MMP16: variants seen among roughly 807,000 people sequenced by gnomAD.
MMP16 encodes the protein matrix metalloproteinase-16.
Under a neutral mutation model 67.8 loss-of-function variants are expected in MMP16, and 12 were observed. The observed-to-expected ratio is 0.18, with a 90% CI of 0.11 to 0.29. The LOEUF (loss-of-function observed/expected upper bound fraction) is 0.29, where lower values mean the gene tolerates loss of function less well. Ranked by LOEUF, MMP16 falls within the 10% of genes least tolerant of loss-of-function variation. The probability of loss-of-function intolerance (pLI) is 1.00; values close to 1 mark genes in which losing one functional copy is unlikely to be tolerated. For missense variants in MMP16, 475 were observed against 765.7 expected, an observed-to-expected ratio of 0.62 and a Z score of 4.48; for synonymous variants, 249 against 255.9, an observed-to-expected ratio of 0.97 and a Z score of 0.26.
chr8:88,116,402 T>C, intron 6 of MMP16, 105 bp downstream of exon 6: 1 of 973,912 alleles, frequency 1.0e-6, no homozygotes, highest in Non-Finnish European at 1.5e-6. Flanking sequence ...TTTCTAACTG[T>C]GAGAGGGCTG....
chr8:88,270,153 T>C (rs188060263), intron 1 of MMP16, among the ~76,000 whole-genome samples: 134 of 152,318 alleles, frequency 8.8e-4, no homozygotes, highest in African/African-American at 3.1e-3. Context: ...TGGTGACTCA[T>C]AGAGGATCTC....
At chr8:88,122,538 A>G (rs951830441) in intron 4 of MMP16, among the ~76,000 whole-genome samples, 10 of 151,994 alleles carry the variant, frequency 6.6e-5, no homozygotes, top group African/African-American at 2.2e-4. Context: ...TTTTAAATAT[A>G]TAAATACTTA....
At chr8:88,202,292 T>C (rs1178800880) in intron 1 of MMP16, among the ~76,000 whole-genome samples, 3 of 152,190 alleles carry the variant, frequency 2.0e-5, no homozygotes, top group South Asian at 2.1e-4. Context: ...TGAGTTATAC[T>C]AAAAGTTGTG....
chr8:88,257,644 A>G lies in MMP16; in HGVS notation c.133-60338T>C, dbSNP rs183194338. Among the ~76,000 whole-genome samples, 362 of 152,362 alleles carry G rather than the reference A, an allele frequency of 2.4e-3. 2 individuals are homozygous for G. In the Middle Eastern group the frequency reaches 0.027, roughly 11 times the overall value. ...TTATTGCCATGAATTCTGGTAGAAT[A>G]AAAGCTCCTTTTGTTCACCAATGCA... On this transcript the variant is annotated intron_variant, in intron 1 of 9. Transcript: ENST00000286614.
At position 88,198,554 on chromosome 8, in the gene MMP16, T is replaced by C. The variant is rs557642602; in HGVS notation, c.133-1248A>G. On this transcript the variant is annotated intron_variant, in intron 1 of 9. Transcript: ENST00000286614. ...AGGAGACATATTTTCCCAGTGAAAATAACCAGCAAATATAGAAGTTAAATT... is the reference window on the plus strand; with the variant it reads ...AGGAGACATATTTTCCCAGTGAAAACAACCAGCAAATATAGAAGTTAAATT... 2.6e-4 allele frequency among the ~76,000 whole-genome samples: 39 copies of C among 152,126 alleles called. 1 individual carries two copies. The highest frequency in any genetic ancestry group is 8.9e-4 in the African/African-American group (37 of 41,508).
At chr8:88,151,402 G>T (rs1808404273) in intron 4 of MMP16, among the ~76,000 whole-genome samples, 1 of 150,542 alleles carries the variant, frequency 6.6e-6, no homozygotes, top group African/African-American at 2.4e-5. Flanking sequence ...CAAATCAACA[G>T]AATATACATT....
intron 6 of MMP16, among the ~76,000 whole-genome samples, chr8:88,106,639 C>A (rs1809246289): frequency 6.6e-6 from 1 of 151,080 alleles, no homozygotes; most frequent in Non-Finnish European, 1.5e-5. Flanking sequence ...ATACTATTAA[C>A]CTTTGACTTT....
At chr8:88,195,685 T>C (rs982331263) in intron 2 of MMP16, among the ~76,000 whole-genome samples, 4 of 152,168 alleles carry the variant, frequency 2.6e-5, no homozygotes, top group Admixed American at 1.3e-4. Context: ...GGGCAGCAGG[T>C]CCAAAATATC....
chr8:88,068,296 T>C (rs1808489540), intron 7 of MMP16, among the ~76,000 whole-genome samples: 1 of 152,180 alleles, frequency 6.6e-6, no homozygotes, highest in Non-Finnish European at 1.5e-5. Flanking sequence ...GTTCTTTATA[T>C]ATTGTGAATA....
intron 1 of MMP16, among the ~76,000 whole-genome samples, chr8:88,242,727 C>T (rs768175872): frequency 1.3e-5 from 2 of 152,086 alleles, no homozygotes; most frequent in Non-Finnish European, 2.9e-5. Context: ...TGTAGCAGAA[C>T]TCTATTATGG....
chr8:88,059,186 G>A (rs1288688887), intron 7 of MMP16, among the ~76,000 whole-genome samples: 1 of 152,072 alleles, frequency 6.6e-6, no homozygotes, highest in Non-Finnish European at 1.5e-5. Context: ...ATAAATTTAG[G>A]ATGTGTTGAG....
chr8:88,042,621 A>T (rs1808147790), intron 9 of MMP16, among the ~76,000 whole-genome samples: 1 of 152,164 alleles, frequency 6.6e-6, no homozygotes, highest in Non-Finnish European at 1.5e-5. Context: ...TAAATCTACA[A>T]TTCTATTTTT....
chr8:88,273,282 G>A (rs1810595991), intron 1 of MMP16, among the ~76,000 whole-genome samples: 1 of 146,454 alleles, frequency 6.8e-6, no homozygotes, highest in Non-Finnish European at 1.5e-5. Flanking sequence ...AGTAGAGATG[G>A]GGTTTGACCA....
chr8:88,313,005 C>T (rs1338261842), intron 1 of MMP16, among the ~76,000 whole-genome samples: 2 of 152,096 alleles, frequency 1.3e-5, no homozygotes, highest in African/African-American at 4.8e-5. Context: ...GGTGAGTGTC[C>T]ATTTTTTATA....
At chr8:88,216,599 C>G (rs1425173629) in intron 1 of MMP16, among the ~76,000 whole-genome samples, 2 of 152,058 alleles carry the variant, frequency 1.3e-5, no homozygotes, top group Admixed American at 1.3e-4. Flanking sequence ...CTCTGTCTTT[C>G]CTTGACTTTC....
chr8:88,151,571 G>GAATA (rs1808408312), intron 4 of MMP16, among the ~76,000 whole-genome samples: 1 of 136,168 alleles, frequency 7.3e-6, no homozygotes. Flanking sequence ...ACTCAAAGCC[G>GAATA]CTCAACTACA....
intron 7 of MMP16, among the ~76,000 whole-genome samples, chr8:88,072,791 T>C (rs1015075744): frequency 1.3e-5 from 2 of 152,188 alleles, no homozygotes; most frequent in Non-Finnish European, 2.9e-5. Context: ...AATTTCTATT[T>C]GAATGCTGTG....
At chr8:88,209,506 T>A (rs1180539922) in intron 1 of MMP16, among the ~76,000 whole-genome samples, 1 of 152,144 alleles carries the variant, frequency 6.6e-6, no homozygotes, top group Admixed American at 6.6e-5. Flanking sequence ...TATTGGTAGT[T>A]AGTTTTGGGG....
chr8:88,227,562 G>C (rs1242942702), intron 1 of MMP16, among the ~76,000 whole-genome samples: 1 of 151,976 alleles, frequency 6.6e-6, no homozygotes, highest in African/African-American at 2.4e-5. Flanking sequence ...CTCTTGTCAA[G>C]GCTCAGGCGA....
Sources: allele counts gnomAD v4.1 joint callset (sites outside exome capture counted in the v4.1 genomes callset), GRCh38; gene constraint gnomAD v4.1.1; transcripts MANE v1.5; gene names NCBI Gene and HGNC (gene_info 2026-07-23, HGNC 2026-07-21).